The following SASH1 variants were observed in gnomAD, a reference collection of about 807,000 sequenced individuals.
SASH1 encodes SAM and SH3 domain-containing protein 1.
A neutral mutation model predicts 125.2 loss-of-function variants in SASH1; 44 were observed. The observed-to-expected ratio is 0.35, with a 90% CI of 0.28 to 0.45. The LOEUF (loss-of-function observed/expected upper bound fraction) is 0.45, where lower values mean the gene tolerates loss of function less well. Ranked by LOEUF, SASH1 falls within the 20% of genes least tolerant of loss-of-function variation. The pLI, the probability that SASH1 is intolerant of heterozygous loss-of-function variation, is 1.00. For missense variants in SASH1, 1,426 were observed against 1,614.5 expected (o/e 0.88, Z 2.00); for synonymous variants, 639 against 649.1 (o/e 0.98, Z 0.24).
At chr6:148,356,745 C>T (rs774365891) in intron 1 of SASH1, among the ~76,000 whole-genome samples, 59 of 152,258 alleles carry the variant, frequency 3.9e-4, no homozygotes, top group Non-Finnish European at 2.5e-4. Flanking sequence ...TGAGCCACCA[C>T]GCCTGGCCTA....
chr6:148,368,770 G>GCACGCACA (rs1554245333), intron 1 of SASH1, among the ~76,000 whole-genome samples: 9 of 135,602 alleles, frequency 6.6e-5, no homozygotes, highest in East Asian at 2.1e-4. Context: ...GCACGCGCGC[G>GCACGCACA]CACACACACA....
intron 17 of SASH1, among the ~76,000 whole-genome samples, chr6:148,542,869 T>TGC (rs1169237452): frequency 6.6e-6 from 1 of 151,462 alleles, no homozygotes; most frequent in East Asian, 1.9e-4. Flanking sequence ...TGTGTGTGTG[T>TGC]GTGTGTGTGT....
At chr6:148,360,645 C>CCT (rs1554242967) in intron 1 of SASH1, among the ~76,000 whole-genome samples, 8 of 78,996 alleles carry the variant, frequency 1.0e-4, no homozygotes, top group African/African-American at 4.4e-4. Context: ...CACCCCCCCG[C>CCT]CAGGCTTTAA....
chr6:148,374,554 A>G (rs1036798694), intron 1 of SASH1, among the ~76,000 whole-genome samples: 2 of 152,218 alleles, frequency 1.3e-5, no homozygotes, highest in Non-Finnish European at 2.9e-5. Flanking sequence ...TAGTTCTCTT[A>G]GGCAGAAATG....
chr6:148,226,357 T>C, the SASH1 span, among the ~76,000 whole-genome samples: 7 of 152,330 alleles, frequency 4.6e-5, no homozygotes, highest in South Asian at 1.5e-3. Flanking sequence ...ATAGTTGCTT[T>C]TCCCTGAAGT....
intron 1 of SASH1, among the ~76,000 whole-genome samples, chr6:148,387,564 TTCTCTTTCTTTCTTTCTTTCTTTC>T (rs1783440386): frequency 2.1e-5 from 3 of 142,394 alleles, no homozygotes; most frequent in East Asian, 4.4e-4. Context: ...TTTCTTTCTT[TTCTCTTTCTTTCTTTCTTTCTTTC>T]TTTCTTTCTT....
chr6:148,547,364 G>A (rs1201584740), intron 19 of SASH1, among the ~76,000 whole-genome samples: 1 of 152,186 alleles, frequency 6.6e-6, no homozygotes, highest in African/African-American at 2.4e-5. Context: ...GAGCTGGGTG[G>A]TGTGAGATTT....
At chr6:148,360,472 T>C (rs560429769) in intron 1 of SASH1, among the ~76,000 whole-genome samples, 1 of 151,670 alleles carries the variant, frequency 6.6e-6, no homozygotes, top group East Asian at 2.0e-4. Context: ...CTCAGTCTCC[T>C]GAATAGCTGG....
chr6:148,227,064 A>G, the SASH1 span, among the ~76,000 whole-genome samples: 1 of 152,204 alleles, frequency 6.6e-6, no homozygotes, highest in Non-Finnish European at 1.5e-5. Flanking sequence ...CCAAACATTT[A>G]TTAGCCTAAG....
At chr6:148,203,562 C>T in the SASH1 span, among the ~76,000 whole-genome samples, 1 of 152,158 alleles carries the variant, frequency 6.6e-6, no homozygotes, top group South Asian at 2.1e-4. Flanking sequence ...CTGGATTTCT[C>T]CCAGGAGAAA....
chr6:148,473,986 G>A lies in SASH1; in HGVS notation c.515-124G>A, dbSNP rs922882479. 68 of 643,112 alleles carry A rather than the reference G, an allele frequency of 1.1e-4. No homozygotes were observed. The East Asian group carries it at 1.4e-3, about 14-fold the overall frequency. The allele number at this position is 643,112 out of a possible 1,614,324, so 39.8% of individuals were successfully genotyped here. A position where few individuals can be genotyped will look rare whatever the true frequency, so the allele number is the denominator to read the frequency against. Reference sequence around the variant, plus strand: ...TGCCACCCTTTGCTTCATCAGTAACGTTCAACATACATAGTGTCCTGAGCA... The same window carrying A: ...TGCCACCCTTTGCTTCATCAGTAACATTCAACATACATAGTGTCCTGAGCA... On this transcript the variant is annotated intron_variant, in intron 6 of 19. Coordinates refer to ENST00000367467, the MANE Select transcript of SASH1 (RefSeq NM_015278.5).
intron 2 of SASH1, among the ~76,000 whole-genome samples, chr6:148,425,855 C>T (rs868094279): frequency 2.5e-4 from 38 of 151,502 alleles, no homozygotes; most frequent in Non-Finnish European, 8.8e-5. Flanking sequence ...CCTCAGCCTC[C>T]GTGAGCCACT....
intron 1 of SASH1, among the ~76,000 whole-genome samples, chr6:148,364,137 A>G (rs984694325): frequency 1.3e-5 from 2 of 152,156 alleles, no homozygotes; most frequent in Non-Finnish European, 2.9e-5. Context: ...ATTACTGCCC[A>G]TTACTTCCTC....
At chr6:148,249,325 C>T in the SASH1 span, among the ~76,000 whole-genome samples, 2 of 129,138 alleles carry the variant, frequency 1.5e-5, no homozygotes, top group South Asian at 2.9e-4. Context: ...TGCATGTGCA[C>T]GTGTGTGTGT....
At chr6:148,334,004 A>G (rs2114608415) in intron 1 of SASH1, among the ~76,000 whole-genome samples, 1 of 151,570 alleles carries the variant, frequency 6.6e-6, no homozygotes, top group South Asian at 2.1e-4. Flanking sequence ...TTGTATTTTT[A>G]GTAGAGACGG....
chr6:148,239,191 T>G, the SASH1 span, among the ~76,000 whole-genome samples: 6 of 152,188 alleles, frequency 3.9e-5, no homozygotes, highest in African/African-American at 1.4e-4. Flanking sequence ...ATTTCTTTGG[T>G]CTAAGGTGAG....
chr6:148,401,142 T>G (rs552458363), intron 2 of SASH1, among the ~76,000 whole-genome samples: 4 of 151,812 alleles, frequency 2.6e-5, no homozygotes, highest in Admixed American at 2.6e-4. Context: ...TAGTCACAGC[T>G]ACTTCGGAGG....
chr6:148,420,022 A>G (rs959873458), intron 2 of SASH1, among the ~76,000 whole-genome samples: 1 of 152,242 alleles, frequency 6.6e-6, no homozygotes, highest in African/African-American at 2.4e-5. Flanking sequence ...AAAAATCCTT[A>G]TTAATATAAT....
intron 7 of SASH1, among the ~76,000 whole-genome samples, chr6:148,478,045 A>T (rs1420269650): frequency 6.6e-6 from 1 of 152,150 alleles, no homozygotes; most frequent in African/African-American, 2.4e-5. Flanking sequence ...GCTGTTAAGG[A>T]TATGGAGAAA....
Sources: allele counts gnomAD v4.1 joint callset (sites outside exome capture counted in the v4.1 genomes callset), GRCh38; gene constraint gnomAD v4.1.1; transcripts MANE v1.5; gene names NCBI Gene and HGNC (gene_info 2026-07-23, HGNC 2026-07-21).